The following CACNA1A variants were observed in gnomAD, a reference collection of about 807,000 sequenced individuals.
CACNA1A encodes the protein calcium voltage-gated channel subunit alpha1 A.
Under a neutral mutation model 262.4 loss-of-function variants are expected in CACNA1A, and 57 were observed. The observed-to-expected ratio is 0.22, with a 90% CI of 0.18 to 0.27. The LOEUF is 0.27. Ranked by LOEUF, CACNA1A falls within the 10% of genes least tolerant of loss-of-function variation. CACNA1A has a pLI of 1.00. For synonymous variants in CACNA1A, 1,431 were observed against 1,419.3 expected (o/e 1.01, Z -0.18); for missense variants, 2,526 against 3,562.8 (o/e 0.71, Z 7.41).
At chr19:13,458,806 C>T (rs2144966678) in intron 1 of CACNA1A, among the ~76,000 whole-genome samples, 1 of 152,318 alleles carries the variant, frequency 6.6e-6, no homozygotes, top group Non-Finnish European at 1.5e-5. Context: ...CTGCCACACC[C>T]CTCAGAAGTG....
Position 13,359,874 on chromosome 19 carries a change from T to C in CACNA1A, c.785-75A>G, listed in dbSNP as rs1004041568. 28 of 951,388 alleles carry C rather than the reference T, an allele frequency of 2.9e-5. No homozygotes were observed. The Admixed American group carries it at 3.5e-4, about 12-fold the overall frequency. 58.9% of individuals were successfully genotyped at this position (951,388 alleles called of 1,614,324 possible). A position where few individuals can be genotyped will look rare whatever the true frequency, so the allele number is the denominator to read the frequency against. On this transcript the variant is annotated intron_variant, in intron 5 of 46. Transcript: ENST00000360228. ...GCTCTGAGAAATAGGGACCAGTGAC[T>C]CTATAATGCTGTTGGAACGAATAAC...
intron 35 of CACNA1A, among the ~76,000 whole-genome samples, chr19:13,230,927 C>A (rs373428309): frequency 2.6e-5 from 4 of 151,974 alleles, no homozygotes; most frequent in African/African-American, 9.7e-5. Context: ...CACTGTGACC[C>A]CAAATCCTCC....
At chr19:13,440,115 ACC>A (rs1352204895) in intron 3 of CACNA1A, among the ~76,000 whole-genome samples, 1 of 151,798 alleles carries the variant, frequency 6.6e-6, no homozygotes, top group Non-Finnish European at 1.5e-5. Context: ...CTGTGCTACC[ACC>A]CCCAGCTAAT....
intron 1 of CACNA1A, among the ~76,000 whole-genome samples, chr19:13,470,354 C>A (rs1449824988): frequency 4.6e-5 from 7 of 152,164 alleles, no homozygotes; most frequent in Admixed American, 2.6e-4. Context: ...CCAAAGACCC[C>A]CAGGCTGCCA....
In CACNA1A at chr19:13,264,999, C is replaced by T. The variant is rs184541491; in HGVS notation, c.3990-2166G>A. 7.8e-4 allele frequency among the ~76,000 whole-genome samples: 119 copies of T among 152,022 alleles called. 1 individual carries two copies. The highest frequency in any genetic ancestry group is 2.3e-3 in the East Asian group (12 of 5,176). On this transcript the variant is annotated intron_variant, in intron 24 of 46. Transcript: ENST00000360228. Reference sequence around the variant, plus strand: ...AAGTGATTCTCCCACCTCAGCCTCCCGAATAGCTGGGACTACAGGCATGAG... The same window carrying T: ...AAGTGATTCTCCCACCTCAGCCTCCTGAATAGCTGGGACTACAGGCATGAG...
intron 36 of CACNA1A, chr19:13,228,785 G>A: frequency 1.9e-6 from 3 of 1,586,730 alleles, no homozygotes; most frequent in Non-Finnish European, 2.6e-6. Flanking sequence ...TCCTTATAAT[G>A]AATCCGACCG....
chr19:13,261,149 C>A (rs1004177158), intron 26 of CACNA1A: 4 of 291,390 alleles, frequency 1.4e-5, no homozygotes, highest in African/African-American at 2.1e-5. Context: ...CTTTGAAACA[C>A]ATCTGCCTGT....
chr19:13,377,955 T>A (rs1474443868), intron 3 of CACNA1A, among the ~76,000 whole-genome samples: 1 of 151,790 alleles, frequency 6.6e-6, no homozygotes, highest in Non-Finnish European at 1.5e-5. Flanking sequence ...TAGTGAGACC[T>A]CAACTCAATT....
At chr19:13,234,158 G>GCTAACCAC (rs1294171827) in intron 34 of CACNA1A, among the ~76,000 whole-genome samples, 1 of 151,510 alleles carries the variant, frequency 6.6e-6, no homozygotes, top group Non-Finnish European at 1.5e-5. Flanking sequence ...GACCATCCTG[G>GCTAACCAC]CTAACATGGT....
At chr19:13,436,578 C>CTCAT (rs1446554935) in intron 3 of CACNA1A, among the ~76,000 whole-genome samples, 1 of 152,278 alleles carries the variant, frequency 6.6e-6, no homozygotes, top group East Asian at 1.9e-4. Flanking sequence ...CATTCATTCA[C>CTCAT]TCATTCATTC....
At chr19:13,304,659 CA>C (rs34159456) in intron 15 of CACNA1A, among the ~76,000 whole-genome samples, 27,485 of 103,362 alleles carry the variant, frequency 0.27, 2,798 homozygotes, top group Non-Finnish European at 0.32. Flanking sequence ...ATTTTTGTCT[CA>C]AAAAAAAAAA....
Position 13,241,557 on chromosome 19 carries a change from CG to C in CACNA1A, c.4950+3624del. The C allele has an allele frequency of 4.6e-6, 1 of 216,098 alleles. No homozygotes were observed. The highest frequency in any genetic ancestry group is 9.0e-6 in the Non-Finnish European group (1 of 111,510). The allele number at this position is 216,098 out of a possible 1,614,324, so 13.4% of individuals were successfully genotyped here. A position where few individuals can be genotyped will look rare whatever the true frequency, so the allele number is the denominator to read the frequency against. The stretch of plus-strand genomic sequence containing the variant: ...TGCAGATGTTGAAGATGAGGGGGAG[CG>C]GGCGGGCGGGGGCAGTTGGGGAGGC... On this transcript the variant is annotated intron_variant, in intron 31 of 46. Coordinates refer to ENST00000360228, the MANE Select transcript of CACNA1A (RefSeq NM_001127222.2). This position sits in a 1 kb window ranked among gnomAD's most constrained non-coding sequence, Gnocchi z 4.0.
At chr19:13,449,067 C>T (rs565684809) in intron 3 of CACNA1A, among the ~76,000 whole-genome samples, 23 of 151,872 alleles carry the variant, frequency 1.5e-4, no homozygotes, top group South Asian at 4.2e-4. Flanking sequence ...CCTGGGCTCA[C>T]GTGATCCTCC....
At chr19:13,245,337 G>A (rs1600159606) in intron 30 of CACNA1A, 72 bp from the exon 31 acceptor site, 1 of 1,142,412 alleles carries the variant, frequency 8.8e-7, no homozygotes. Context: ...CTGGCCGGGT[G>A]CATGTTAGAG....
intron 3 of CACNA1A, among the ~76,000 whole-genome samples, chr19:13,394,787 T>C (rs1463400219): frequency 6.6e-6 from 1 of 152,144 alleles, no homozygotes; most frequent in Non-Finnish European, 1.5e-5. Context: ...CAAAAGTTTT[T>C]CTCTGACCTT....
At chr19:13,475,804 A>G (rs1599338861) in intron 1 of CACNA1A, among the ~76,000 whole-genome samples, 3 of 152,286 alleles carry the variant, frequency 2.0e-5, no homozygotes, top group African/African-American at 7.2e-5. Flanking sequence ...AAAATAATAC[A>G]TCAAGTAAGG....
At chr19:13,297,860 T>C (rs1022436813) in intron 19 of CACNA1A, among the ~76,000 whole-genome samples, 3 of 151,556 alleles carry the variant, frequency 2.0e-5, no homozygotes, top group Non-Finnish European at 2.9e-5. Flanking sequence ...AGAGTCTTGC[T>C]CTGTTGCCCA....
chr19:13,304,613 T>C (rs2057858833), intron 15 of CACNA1A, among the ~76,000 whole-genome samples: 1 of 141,808 alleles, frequency 7.1e-6, no homozygotes, highest in Non-Finnish European at 1.5e-5. Context: ...CAAAAAAATG[T>C]GATTTGCCTA....
Position 13,482,848 on chromosome 19 carries a change from TTGTGTGTGTGTGTGTG to T in CACNA1A, c.293+23068_293+23083del, listed in dbSNP as rs34754803. On this transcript the variant is annotated intron_variant, in intron 1 of 46. Coordinates refer to ENST00000360228, the MANE Select transcript of CACNA1A (RefSeq NM_001127222.2). ...TCTCTCCCCCCTTCTTTCTCTCAAC[TTGTGTGTGTGTGTGTG>T]TGTGTGTGTGTGTGTGTGTGTGTGT... 6.2e-3 allele frequency among the ~76,000 whole-genome samples: 835 copies of T among 134,010 alleles called. 7 individuals carry two copies. Among genetic ancestry groups the T allele is most frequent in the African/African-American group, 0.02 (713 of 36,152 alleles). The allele number at this position is 134,010 out of a possible 152,430, so 87.9% of individuals were successfully genotyped here.
Sources: allele counts gnomAD v4.1 joint callset (sites outside exome capture counted in the v4.1 genomes callset), GRCh38; gene constraint gnomAD v4.1.1; non-coding constraint Gnocchi (gnomAD v3.1); transcripts MANE v1.5; gene names NCBI Gene and HGNC (gene_info 2026-07-23, HGNC 2026-07-21).